Variants in PAX5 observed in about 807,000 individuals in gnomAD.
PAX5 encodes paired box 5.
PAX5 carries 9 observed loss-of-function variants against 43.7 expected under a neutral mutation model. That is an observed-to-expected ratio of 0.21 (90% CI 0.12 to 0.36). PAX5 has a LOEUF of 0.36. Among genes scored for constraint, PAX5 ranks in the 10% least tolerant of loss-of-function variants. PAX5 has a pLI of 1.00. For missense variants in PAX5, 383 were observed against 532.7 expected, an observed-to-expected ratio of 0.72 and a Z score of 2.77; for synonymous variants, 228 against 214.3, an observed-to-expected ratio of 1.06 and a Z score of -0.56.
At chr9:36,856,363 C>T (rs1032313045) in intron 8 of PAX5, among the ~76,000 whole-genome samples, 2 of 152,152 alleles carry the variant, frequency 1.3e-5, no homozygotes, top group African/African-American at 2.4e-5. Flanking sequence ...CAGAAACCAC[C>T]GTGCAGGTCC....
chr9:36,867,393 A>G (rs1264074158), intron 8 of PAX5, among the ~76,000 whole-genome samples: 1 of 152,218 alleles, frequency 6.6e-6, no homozygotes, highest in East Asian at 1.9e-4. Flanking sequence ...CCAAATTGGC[A>G]AAATCCTTCC....
rs1337555785 is a variant in PAX5 at position 36,882,319 on chromosome 9, C to T, written c.911-214G>A. Reference sequence around the variant, plus strand: ...ACTCATGCACACACATCTCCAGCCACCCTCGCTCCACTCAGCAAGAACAGA... The same window carrying T: ...ACTCATGCACACACATCTCCAGCCATCCTCGCTCCACTCAGCAAGAACAGA... On this transcript the variant is annotated intron_variant, in intron 7 of 9. Transcript: ENST00000358127. This position sits in a 1 kb window ranked among gnomAD's most constrained non-coding sequence, Gnocchi z 4.4. Among the ~76,000 whole-genome samples, 1 of 152,098 alleles carries T rather than the reference C, an allele frequency of 6.6e-6. No homozygotes were observed. The highest frequency in any genetic ancestry group is 1.9e-4 in the East Asian group (1 of 5,186).
chr9:36,864,924 A>G (rs1824711252), intron 8 of PAX5, among the ~76,000 whole-genome samples: 1 of 152,184 alleles, frequency 6.6e-6, no homozygotes, highest in Non-Finnish European at 1.5e-5. Flanking sequence ...TTTGCATGCT[A>G]ATTTCCAGCA....
intron 8 of PAX5, among the ~76,000 whole-genome samples, chr9:36,871,349 GT>G (rs144346311): frequency 0.016 from 2,414 of 152,244 alleles, 63 homozygotes; most frequent in African/African-American, 0.054. Context: ...AAGGCCTAAG[GT>G]TCAGCAAGGC....
intron 6 of PAX5, among the ~76,000 whole-genome samples, chr9:36,930,414 A>G (rs1831034014): frequency 6.6e-6 from 1 of 151,912 alleles, no homozygotes; most frequent in African/African-American, 2.4e-5. Flanking sequence ...TTTTGTAGAG[A>G]TGGGGTTTCA....
chr9:36,893,295 G>A (rs1827561181), intron 7 of PAX5, among the ~76,000 whole-genome samples: 3 of 152,166 alleles, frequency 2.0e-5, no homozygotes, highest in African/African-American at 7.2e-5. Flanking sequence ...ACAGCATCAC[G>A]ATGCCAGCAG....
At chr9:37,033,508 C>G (rs1841199335) in intron 1 of PAX5, among the ~76,000 whole-genome samples, 1 of 152,090 alleles carries the variant, frequency 6.6e-6, no homozygotes, top group Admixed American at 6.5e-5. Context: ...ACATAAATAA[C>G]ACTCATAGTA....
chr9:36,995,842 C>A (rs1837345519), intron 5 of PAX5, among the ~76,000 whole-genome samples: 1 of 152,152 alleles, frequency 6.6e-6, no homozygotes, highest in Non-Finnish European at 1.5e-5. Flanking sequence ...CAGGGTGCTA[C>A]CCTCTGCCCC....
intron 1 of PAX5, among the ~76,000 whole-genome samples, chr9:37,029,391 C>T (rs1840740755): frequency 6.6e-6 from 1 of 152,254 alleles, no homozygotes; most frequent in Admixed American, 6.5e-5. Context: ...GTCCCCACCC[C>T]CCACCAGGGC....
chr9:37,033,354 G>A (rs1006248093), intron 1 of PAX5, among the ~76,000 whole-genome samples: 5 of 152,220 alleles, frequency 3.3e-5, no homozygotes, highest in African/African-American at 4.8e-5. Flanking sequence ...GAACATTGGC[G>A]TGTATGCATC....
Position 36,874,287 on chromosome 9 carries a change from G to T in PAX5, c.1012+7717C>A, listed in dbSNP as rs1825731540. 2.0e-5 allele frequency among the ~76,000 whole-genome samples: 3 copies of T among 152,108 alleles called. No homozygotes were observed. In the South Asian group the frequency reaches 6.2e-4, roughly 32 times the overall value. Reference sequence around the variant, plus strand: ...CCAAAGCACCCTTCGCTTCTCTTGGGGCATCTGCATATTTCTGTCTGGACT... The same window carrying T: ...CCAAAGCACCCTTCGCTTCTCTTGGTGCATCTGCATATTTCTGTCTGGACT... On this transcript the variant is annotated intron_variant, in intron 8 of 9. Coordinates refer to ENST00000358127, the MANE Select transcript of PAX5 (RefSeq NM_016734.3).
chr9:36,914,018 A>T (rs962569344), intron 7 of PAX5, among the ~76,000 whole-genome samples: 50 of 152,286 alleles, frequency 3.3e-4, no homozygotes, highest in Middle Eastern at 3.4e-3. Flanking sequence ...AAGGTGTTTA[A>T]CAGTTCTCAA....
intron 7 of PAX5, among the ~76,000 whole-genome samples, chr9:36,904,324 C>T (rs935206229): frequency 1.9e-4 from 29 of 152,150 alleles, no homozygotes; most frequent in African/African-American, 6.8e-4. Flanking sequence ...AAATAGGCTG[C>T]TGGGCCACAC....
At chr9:36,937,094 T>C (rs990746320) in intron 6 of PAX5, among the ~76,000 whole-genome samples, 2 of 152,160 alleles carry the variant, frequency 1.3e-5, no homozygotes, top group African/African-American at 4.8e-5. Context: ...CTCCCTGGTT[T>C]GCCATTCAGA....
In PAX5 at chr9:36,839,448, T is replaced by C. The variant is rs1382233019; in HGVS notation, c.*1112A>G. The C allele has an allele frequency of 4.3e-6, 1 of 233,402 alleles. No individual in the cohort carries two copies. Among genetic ancestry groups the C allele is most frequent in the Non-Finnish European group, 8.5e-6 (1 of 118,222 alleles). The allele number at this position is 233,402 out of a possible 1,614,324, so 14.5% of individuals were successfully genotyped here. ...CTGCCCCGAGAGGATGCTCAGAAGT[T>C]CTGGCTGTAGGCTGTTTGTGATCTG... On this transcript the variant is annotated 3_prime_UTR_variant, in exon 10 of 10. Transcript: ENST00000358127.
chr9:36,857,346 C>T lies in PAX5; in HGVS notation c.1013-10417G>A, dbSNP rs184946799. Among the ~76,000 whole-genome samples the T allele has an allele frequency of 3.3e-5, 5 of 152,314 alleles. No individual in the cohort carries two copies. The East Asian group carries it at 9.6e-4, about 29-fold the overall frequency. ...CTGGTGATGCTGTGTATTTTGGTAA[C>T]TCCATTTAATTCAGCATCCACTGTG... On this transcript the variant is annotated intron_variant, in intron 8 of 9. Transcript: ENST00000358127.
At chr9:36,876,129 G>A (rs1379215042) in intron 8 of PAX5, among the ~76,000 whole-genome samples, 2 of 152,222 alleles carry the variant, frequency 1.3e-5, no homozygotes, top group African/African-American at 4.8e-5. Context: ...GCTGAGGTGG[G>A]AAGGAGCAGG....
chr9:36,981,483 C>T (rs1417859778), intron 5 of PAX5, among the ~76,000 whole-genome samples: 1 of 148,662 alleles, frequency 6.7e-6, no homozygotes, highest in Non-Finnish European at 1.5e-5. Flanking sequence ...GAGACAGCTG[C>T]TCCGGTGTGA....
chr9:36,864,867 A>AGGCC (rs1554649932), intron 8 of PAX5, among the ~76,000 whole-genome samples: 1 of 152,146 alleles, frequency 6.6e-6, no homozygotes, highest in African/African-American at 2.4e-5. Context: ...CACAGAGACG[A>AGGCC]GGCCAGAGAG....
Sources: allele counts gnomAD v4.1 joint callset (sites outside exome capture counted in the v4.1 genomes callset), GRCh38; gene constraint gnomAD v4.1.1; non-coding constraint Gnocchi (gnomAD v3.1); transcripts MANE v1.5; gene names NCBI Gene and HGNC (gene_info 2026-07-23, HGNC 2026-07-21).